Variants in MYO1D observed in about 807,000 individuals in gnomAD.
MYO1D encodes the protein myosin ID.
A neutral mutation model predicts 122.0 loss-of-function variants in MYO1D; 83 were observed. That is an observed-to-expected ratio of 0.68 (90% CI 0.57 to 0.82). MYO1D has a LOEUF of 0.82. Ranked by LOEUF, MYO1D falls within the 40% of genes least tolerant of loss-of-function variation. The pLI, the probability that MYO1D is intolerant of heterozygous loss-of-function variation, is 0.00. For missense variants in MYO1D, 1,157 were observed against 1,269.5 expected (o/e 0.91, Z 1.35); for synonymous variants, 464 against 446.9 (o/e 1.04, Z -0.48).
At chr17:32,823,595 A>G (rs1028701502) in intron 1 of MYO1D, among the ~76,000 whole-genome samples, 2 of 152,220 alleles carry the variant, frequency 1.3e-5, no homozygotes, top group African/African-American at 4.8e-5. Context: ...TACACCTAGG[A>G]AAACTGATAA....
At chr17:32,815,739 C>T (rs2090607812) in intron 1 of MYO1D, among the ~76,000 whole-genome samples, 1 of 152,164 alleles carries the variant, frequency 6.6e-6, no homozygotes, top group South Asian at 2.1e-4. Context: ...GTCCTGTGGT[C>T]CCCACCTAAC....
Position 32,659,054 on chromosome 17 carries a change from CTT to C in MYO1D, c.2345+59_2345+60del, listed in dbSNP as rs1215694586. 2.8e-6 allele frequency: 4 copies of C among 1,445,854 alleles called. No individual in the cohort carries two copies. In the African/African-American group the frequency reaches 5.6e-5, roughly 20 times the overall value. The allele number at this position is 1,445,854 out of a possible 1,614,324, so 89.6% of individuals were successfully genotyped here. On this transcript the variant is annotated intron_variant, in intron 17 of 21. Coordinates refer to ENST00000318217, the MANE Select transcript of MYO1D (RefSeq NM_015194.3). ...CAATATCACGGTCTCAGACTTGTGACTTTGCATAGTATTAACTGTGCCACCAT... is the reference window on the plus strand; with the variant it reads ...CAATATCACGGTCTCAGACTTGTGACTGCATAGTATTAACTGTGCCACCAT...
intron 1 of MYO1D, among the ~76,000 whole-genome samples, chr17:32,855,965 C>G (rs1174517063): frequency 6.6e-6 from 1 of 152,164 alleles, no homozygotes; most frequent in African/African-American, 2.4e-5. Flanking sequence ...CTTTTACTCT[C>G]ATTTTTAAGG....
intron 1 of MYO1D, among the ~76,000 whole-genome samples, chr17:32,833,284 T>C (rs1373649715): frequency 2.0e-5 from 3 of 152,158 alleles, no homozygotes; most frequent in Admixed American, 1.3e-4. Context: ...TCAAAGTACA[T>C]ACAGAAGCCA....
At chr17:32,725,728 A>C (rs2089563712) in intron 14 of MYO1D, among the ~76,000 whole-genome samples, 1 of 152,060 alleles carries the variant, frequency 6.6e-6, no homozygotes, top group African/African-American at 2.4e-5. Context: ...GAACTTGCTA[A>C]AACTGATTAA....
intron 21 of MYO1D, among the ~76,000 whole-genome samples, chr17:32,550,466 A>G (rs225191): frequency 0.66 from 100,630 of 151,438 alleles, 34,306 homozygotes; most frequent in African/African-American, 0.82. Context: ...TTTGGTGTTC[A>G]CTGTCTCATG....
chr17:32,806,924 C>T (rs1257944267), intron 1 of MYO1D, among the ~76,000 whole-genome samples: 1 of 152,114 alleles, frequency 6.6e-6, no homozygotes, highest in African/African-American at 2.4e-5. Flanking sequence ...ACAAAACTGG[C>T]AACACGTAAG....
chr17:32,666,246 G>GCCC (rs2088634280), intron 16 of MYO1D, among the ~76,000 whole-genome samples: 6 of 152,088 alleles, frequency 3.9e-5, no homozygotes, highest in Admixed American at 3.9e-4. Context: ...TCTTTCTACA[G>GCCC]CCCTACAGTC....
chr17:32,573,061 AC>A (rs2087245839), intron 21 of MYO1D, among the ~76,000 whole-genome samples: 1 of 135,002 alleles, frequency 7.4e-6, no homozygotes, highest in Non-Finnish European at 1.7e-5. Flanking sequence ...CGTGGCACAT[AC>A]AAGGCATTGA....
chr17:32,600,244 G>A (rs916258524), intron 21 of MYO1D, among the ~76,000 whole-genome samples: 1 of 152,190 alleles, frequency 6.6e-6, no homozygotes, highest in African/African-American at 2.4e-5. Context: ...ATAGAGCACA[G>A]GCAGAGTAGA....
At chr17:32,656,113 T>G (rs780704499) in intron 17 of MYO1D, among the ~76,000 whole-genome samples, 12 of 152,156 alleles carry the variant, frequency 7.9e-5, no homozygotes, top group Non-Finnish European at 1.2e-4. Context: ...TGCACGATGC[T>G]TATATCCTCT....
At chr17:32,791,360 T>C (rs2090348825) in intron 1 of MYO1D, among the ~76,000 whole-genome samples, 1 of 109,506 alleles carries the variant, frequency 9.1e-6, no homozygotes, top group African/African-American at 4.2e-5. Flanking sequence ...CGAGACTCCG[T>C]CTCAAAAAAA....
intron 1 of MYO1D, among the ~76,000 whole-genome samples, chr17:32,851,911 C>T (rs899263518): frequency 5.9e-5 from 9 of 152,212 alleles, no homozygotes; most frequent in African/African-American, 1.9e-4. Flanking sequence ...ACCACCGTAC[C>T]GGTCAGGGGC....
chr17:32,685,979 T>G (rs976637398), intron 16 of MYO1D, among the ~76,000 whole-genome samples: 1 of 152,248 alleles, frequency 6.6e-6, no homozygotes, highest in Non-Finnish European at 1.5e-5. Flanking sequence ...AAATTCTGAC[T>G]GTTATATCCA....
At chr17:32,595,728 G>T (rs76419426) in intron 21 of MYO1D, among the ~76,000 whole-genome samples, 1 of 152,184 alleles carries the variant, frequency 6.6e-6, no homozygotes, top group Non-Finnish European at 1.5e-5. Context: ...TAGGGAAACT[G>T]CAGGGAACAA....
At chr17:32,530,738 T>C (rs967670980) in intron 21 of MYO1D, among the ~76,000 whole-genome samples, 1 of 151,988 alleles carries the variant, frequency 6.6e-6, no homozygotes, top group African/African-American at 2.4e-5. Flanking sequence ...GAGTTTGAGG[T>C]TGTAGTGAGC....
chr17:32,844,345 T>TTATGTGTATATATATTATATATAGTA (rs1567668863), intron 1 of MYO1D, among the ~76,000 whole-genome samples: 2 of 144,768 alleles, frequency 1.4e-5, no homozygotes, highest in African/African-American at 5.2e-5. Flanking sequence ...TATGTATATA[T>TTATGTGTATATATATTATATATAGTA]TATATGTGTA....
intron 21 of MYO1D, among the ~76,000 whole-genome samples, chr17:32,574,008 T>G (rs760678699): frequency 1.3e-5 from 2 of 151,864 alleles, no homozygotes; most frequent in Non-Finnish European, 2.9e-5. Flanking sequence ...GCCCGCCACC[T>G]CGCCCGGCTA....
chr17:32,868,036 CTT>C (rs1173373083), intron 1 of MYO1D, among the ~76,000 whole-genome samples: 1 of 151,980 alleles, frequency 6.6e-6, no homozygotes, highest in African/African-American at 2.4e-5. Context: ...TTAGAAATCT[CTT>C]AAATATGAAT....
Sources: gnomAD v4.1 joint callset for allele counts (sites outside exome capture counted in the v4.1 genomes callset) on GRCh38, gnomAD v4.1.1 for gene constraint, MANE v1.5 for transcripts, NCBI Gene and HGNC (gene_info 2026-07-23, HGNC 2026-07-21) for gene names.